CPPED1: variants seen among roughly 807,000 people sequenced by gnomAD.
The protein encoded by CPPED1 is calcineurin like phosphoesterase domain containing 1.
A neutral mutation model predicts 28.0 loss-of-function variants in CPPED1; 28 were observed. The observed-to-expected ratio is 1.00, with a 90% CI of 0.74 to 1.37. CPPED1 has a LOEUF of 1.37. Among genes scored for constraint, CPPED1 ranks in the 40% most tolerant of loss-of-function variants. The pLI, the probability that CPPED1 is intolerant of heterozygous loss-of-function variation, is 0.00. For synonymous variants in CPPED1, 198 were observed against 180.2 expected, an observed-to-expected ratio of 1.10 and a Z score of -0.79; for missense variants, 504 against 416.5, an observed-to-expected ratio of 1.21 and a Z score of -1.83.
intron 2 of CPPED1, among the ~76,000 whole-genome samples, chr16:12,739,332 C>T (rs1357012645): frequency 1.3e-5 from 2 of 152,142 alleles, no homozygotes; most frequent in African/African-American, 4.8e-5. Flanking sequence ...GTAATCACAG[C>T]ACTTTGGGAG....
intron 1 of CPPED1, among the ~76,000 whole-genome samples, chr16:12,797,529 T>A (rs1245944852): frequency 6.6e-6 from 1 of 151,892 alleles, no homozygotes; most frequent in Non-Finnish European, 1.5e-5. Context: ...CACTCCAGCA[T>A]AGGTGACAGA....
intron 2 of CPPED1, among the ~76,000 whole-genome samples, chr16:12,728,566 A>C (rs774312052): frequency 1.3e-5 from 2 of 152,098 alleles, no homozygotes; most frequent in Admixed American, 6.5e-5. Context: ...TAAATCATGA[A>C]TATACTAGCG....
rs180835199 is a variant in CPPED1, at chr16:12,737,151, T to C, written c.290-32102A>G. On this transcript the variant is annotated intron_variant, in intron 2 of 3. Transcript: ENST00000381774. Reference sequence around the variant, plus strand: ...GTTGCAGTGAGCTGAGATTGTGCCATTGCACTCCAGTCTGGGCGAGAGAGT... The same window carrying C: ...GTTGCAGTGAGCTGAGATTGTGCCACTGCACTCCAGTCTGGGCGAGAGAGT... Among the ~76,000 whole-genome samples, 128 of 152,058 alleles carry C rather than the reference T, an allele frequency of 8.4e-4. 1 individual carries two copies. Among genetic ancestry groups the C allele is most frequent in the Admixed American group, 4.8e-3 (74 of 15,260 alleles).
intron 1 of CPPED1, among the ~76,000 whole-genome samples, chr16:12,786,343 T>A (rs1055103044): frequency 6.6e-6 from 1 of 152,098 alleles, no homozygotes; most frequent in Non-Finnish European, 1.5e-5. Flanking sequence ...GGAACTCGAG[T>A]GGCCTGCAAC....
chr16:12,776,853 A>G (rs2080501121), intron 2 of CPPED1, among the ~76,000 whole-genome samples: 1 of 152,084 alleles, frequency 6.6e-6, no homozygotes, highest in African/African-American at 2.4e-5. Flanking sequence ...CAGGAGGCGG[A>G]GGTTGCAATG....
At chr16:12,736,799 A>T (rs564810546) in intron 2 of CPPED1, among the ~76,000 whole-genome samples, 1 of 152,218 alleles carries the variant, frequency 6.6e-6, no homozygotes, top group Non-Finnish European at 1.5e-5. Flanking sequence ...CAGTGCAGCT[A>T]ATAGGTAAAG....
chr16:12,752,567 T>A (rs951089664), intron 2 of CPPED1, among the ~76,000 whole-genome samples: 1 of 150,068 alleles, frequency 6.7e-6, no homozygotes, highest in Non-Finnish European at 1.5e-5. Flanking sequence ...GGTAAACAAA[T>A]GAATAAAAAG....
rs143151897 is a variant in CPPED1, at chr16:12,693,210, G to C, written c.715+11414C>G. ...CACCCAGGAGGCTTCACCTAAATGA[G>C]TGGTATTTGCTTTTGAGAGTCTCAC... is the stretch of plus-strand genomic sequence containing the variant. On this transcript the variant is annotated intron_variant, in intron 3 of 3. Transcript: ENST00000381774. 4.0e-3 allele frequency among the ~76,000 whole-genome samples: 610 copies of C among 152,230 alleles called. 4 individuals are homozygous for C. The highest frequency in any genetic ancestry group is 0.014 in the African/African-American group (585 of 41,534).
At chr16:12,803,335 C>A (rs1319849424) in intron 1 of CPPED1, among the ~76,000 whole-genome samples, 4 of 152,212 alleles carry the variant, frequency 2.6e-5, no homozygotes, top group African/African-American at 7.2e-5. Flanking sequence ...GTAACACCCA[C>A]AAGTATTCCC....
intron 3 of CPPED1, among the ~76,000 whole-genome samples, chr16:12,699,617 C>A (rs2080009661): frequency 6.6e-6 from 1 of 152,106 alleles, no homozygotes; most frequent in Admixed American, 6.6e-5. Flanking sequence ...CTGGGTTTTA[C>A]CTCCACGGTG....
chr16:12,747,976 G>A (rs1370695728), intron 2 of CPPED1, among the ~76,000 whole-genome samples: 1 of 152,190 alleles, frequency 6.6e-6, no homozygotes, highest in Non-Finnish European at 1.5e-5. Flanking sequence ...CAAGAGACTG[G>A]TCAAAATTAG....
chr16:12,774,484 C>T (rs977089097), intron 2 of CPPED1, among the ~76,000 whole-genome samples: 1 of 151,976 alleles, frequency 6.6e-6, no homozygotes, highest in Non-Finnish European at 1.5e-5. Context: ...AAAAAGTTCC[C>T]TCCAGAGTCA....
intron 3 of CPPED1, among the ~76,000 whole-genome samples, chr16:12,665,631 A>G (rs2141163399): frequency 6.6e-6 from 1 of 152,150 alleles, no homozygotes; most frequent in Non-Finnish European, 1.5e-5. Context: ...GTCTCTACCA[A>G]AAATATAAAA....
At chr16:12,718,780 T>C (rs756503337) in intron 2 of CPPED1, among the ~76,000 whole-genome samples, 28 of 151,742 alleles carry the variant, frequency 1.8e-4, no homozygotes, top group Non-Finnish European at 1.9e-4. Flanking sequence ...CTGGCCAATA[T>C]GGTGAAACCC....
At chr16:12,777,998 C>T (rs776857265) in intron 2 of CPPED1, among the ~76,000 whole-genome samples, 9 of 151,090 alleles carry the variant, frequency 6.0e-5, no homozygotes, top group Admixed American at 1.3e-4. Context: ...GATTCTCCAC[C>T]GCCTGGGTTC....
chr16:12,772,600 T>C (rs2080476320), intron 2 of CPPED1, among the ~76,000 whole-genome samples: 1 of 152,254 alleles, frequency 6.6e-6, no homozygotes, highest in African/African-American at 2.4e-5. Context: ...CCAATAGAAA[T>C]GGTCCCCAAA....
chr16:12,790,960 T>C (rs534057245), intron 1 of CPPED1, among the ~76,000 whole-genome samples: 2 of 149,368 alleles, frequency 1.3e-5, no homozygotes, highest in African/African-American at 2.4e-5. Context: ...ATAGTATTAG[T>C]ATGTCTGTTT....
At chr16:12,704,311 G>A (rs1337418014) in intron 3 of CPPED1, among the ~76,000 whole-genome samples, 1 of 152,158 alleles carries the variant, frequency 6.6e-6, no homozygotes, top group Non-Finnish European at 1.5e-5. Flanking sequence ...CTTCAACTGT[G>A]AGCAGCTATG....
chr16:12,704,956 TG>T lies in CPPED1; in HGVS notation c.382del (p.His128MetfsTer50). On this transcript the variant is annotated frameshift_variant, in exon 3 of 4. Transcript: ENST00000381774. LOFTEE classifies it high-confidence loss of function. Reference protein sequence around the residue: ...AIPLVLVSGNHDIGNTPTAET... With the variant: ...AIPLVLVSGNXDIGNTPTAET... Reference sequence around the variant, plus strand: ...GGCCGTGGGGGTGTTGCCAATGTCATGGTTGCCGCTGACAAGGACCAGTGGG... The same window carrying T: ...GGCCGTGGGGGTGTTGCCAATGTCATGTTGCCGCTGACAAGGACCAGTGGG... The T allele has an allele frequency of 6.2e-7, 1 of 1,614,178 alleles. No homozygotes were observed. The highest frequency in any genetic ancestry group is 8.5e-7 in the Non-Finnish European group (1 of 1,180,024).
Sources: allele counts gnomAD v4.1 joint callset (sites outside exome capture counted in the v4.1 genomes callset), GRCh38; gene constraint gnomAD v4.1.1; transcripts MANE v1.5; gene names NCBI Gene and HGNC (gene_info 2026-07-23, HGNC 2026-07-21).